TTN: variants seen among roughly 807,000 people sequenced by gnomAD.
The protein encoded by TTN is connectin.
In TTN, 1,525 loss-of-function variants were observed where a neutral mutation model predicts 3,223.0. The ratio of observed to expected loss-of-function variants is 0.47; its 90% CI spans 0.45 to 0.49. TTN has a LOEUF of 0.49. Ranked by LOEUF, TTN falls within the 20% of genes least tolerant of loss-of-function variation. The pLI is 0.00. For missense variants in TTN, 40,786 were observed against 43,424.0 expected (o/e 0.94, Z 5.40); for synonymous variants, 14,094 against 15,161.0 (o/e 0.93, Z 5.17).
At chr2:178,749,827 T>G in intron 47 of TTN, 1 of 1,613,164 alleles carries the variant, frequency 6.2e-7, no homozygotes, top group Admixed American at 1.7e-5. Flanking sequence ...TTTGAAACCA[T>G]GTTACAACTG....
At chr2:178,685,630 T>C in intron 127 of TTN, 32 bp from the exon 128 acceptor site, 1 of 1,594,728 alleles carries the variant, frequency 6.3e-7, no homozygotes, top group Non-Finnish European at 8.6e-7. Flanking sequence ...AGAAGATAAA[T>C]TACAGTGTTT....
chr2:178,694,671 CAGG>C lies in TTN; in HGVS notation c.31351_31353del (p.Pro10451del). 3 of 1,548,872 alleles carry C rather than the reference CAGG, an allele frequency of 1.9e-6. No individual in the cohort carries two copies. The highest frequency in any genetic ancestry group is 2.6e-6 in the Non-Finnish European group (3 of 1,146,162). On this transcript the variant is annotated inframe_deletion and splice_region_variant, in exon 117 of 363. Coordinates refer to ENST00000589042, the MANE Select transcript of TTN (RefSeq NM_001267550.2). ...TGTGGAACAATCTTCTTTGAAACTT[CAGG>C]TACTTTAAAAATATGTACAAATATA...
In TTN at chr2:178,604,802, T is replaced by A; in HGVS notation, c.54287A>T (p.Glu18096Val). 6.2e-7 allele frequency: 1 copy of A among 1,612,528 alleles called. No individual in the cohort carries two copies. ...TTTGTCAATAACATAATGGGTGATT[T>A]CACTGCCACCATTATCAAGAGGGGC... ...WDAPLDNGGS[E>V]ITHYVIDKRD... is the part of the protein sequence containing the mutation. Residue 18096 changes from glutamate to valine, a missense_variant, in exon 281 of 363, where the codon GAA becomes GTA. Coordinates refer to ENST00000589042, the MANE Select transcript of TTN (RefSeq NM_001267550.2).
At position 178,636,636 on chromosome 2, in the gene TTN, T is replaced by G. The variant is rs773893332; in HGVS notation, c.41091A>C (p.Ser13697=). 2 of 1,613,410 alleles carry G rather than the reference T, an allele frequency of 1.2e-6. No homozygotes were observed. The highest frequency in any genetic ancestry group is 3.3e-5 in the Admixed American group (2 of 59,974). Residue 13697 remains serine (S), a synonymous_variant, in exon 225 of 363, where the codon TCA becomes TCC. Coordinates refer to ENST00000589042, the MANE Select transcript of TTN (RefSeq NM_001267550.2). This position sits in a 1 kb window ranked among gnomAD's most constrained non-coding sequence, Gnocchi z 4.3. ...AGATTGCTGAAGAGCCAACGAACTC[T>G]GATTCTGTCAAGATGATGTCTTTGA... ...KEIKDIILTE[S]EFVGSSAIFE...
chr2:178,724,104 T>C lies in TTN; in HGVS notation c.21155A>G (p.Asn7052Ser), dbSNP rs1553913467. 1 of 1,612,818 alleles carries C rather than the reference T, an allele frequency of 6.2e-7. No individual in the cohort carries two copies. The highest frequency in any genetic ancestry group is 8.5e-7 in the Non-Finnish European group (1 of 1,179,144). Residue 7052 changes from asparagine to serine, a missense_variant, in exon 73 of 363, where the codon AAT becomes AGT. Transcript: ENST00000589042. ...VPPSFTRRLK[N>S]TGGVLGASCI... is the part of the protein sequence containing the mutation. ...AGAAGCACCTAACACCCCACCAGTA[T>C]TTTTCAGTCTTCGTGTGAAAGAGGG... is the stretch of plus-strand genomic sequence containing the variant.
intron 127 of TTN, among the ~76,000 whole-genome samples, chr2:178,686,939 C>T (rs922188621): frequency 1.5e-4 from 23 of 152,156 alleles, no homozygotes; most frequent in African/African-American, 5.3e-4. Flanking sequence ...AAGATGGAGT[C>T]GTCTTCAAAT....
chr2:178,759,912 A>G (rs1156587996), intron 43 of TTN, among the ~76,000 whole-genome samples: 1 of 152,204 alleles, frequency 6.6e-6, no homozygotes, highest in Non-Finnish European at 1.5e-5. Context: ...AATAGAAAGT[A>G]AAAACCCAAA....
chr2:178,735,982 G>A lies in TTN; in HGVS notation c.14464C>T (p.Pro4822Ser), dbSNP rs762428750. ...AKFICTVTGT[P>S]VIETIWQKDG... ...TTCTGCCAAATGGTTTCTATCACAGGAGTCCCTGTCACTGTGCAGATGAAC... is the reference window on the plus strand; with the variant it reads ...TTCTGCCAAATGGTTTCTATCACAGAAGTCCCTGTCACTGTGCAGATGAAC... The change falls in exon 50 of 363, where the codon CCT becomes TCT. Residue 4822 changes from proline (P) to serine (S), a missense_variant. Transcript: ENST00000589042. 1.1e-5 allele frequency: 18 copies of A among 1,613,670 alleles called. No individual in the cohort carries two copies. The highest frequency in any genetic ancestry group is 3.3e-5 in the Admixed American group (2 of 59,980).
In TTN at chr2:178,597,744, A is replaced by G; in HGVS notation, c.57338T>C (p.Ile19113Thr). The change falls in exon 294 of 363, where the codon ATT becomes ACT. Residue 19113 changes from isoleucine (I) to threonine (T), a missense_variant. Coordinates refer to ENST00000589042, the MANE Select transcript of TTN (RefSeq NM_001267550.2). The part of the protein sequence containing the change: ...VVHAGGVIRI[I>T]AYVSGKPPPT... ...AGGAGGCTTTCCAGACACATAGGCAATGATTCGGATCACCCCTCCAGCATG... is the reference window on the plus strand; with the variant it reads ...AGGAGGCTTTCCAGACACATAGGCAGTGATTCGGATCACCCCTCCAGCATG... 1 of 1,613,294 alleles carries G rather than the reference A, an allele frequency of 6.2e-7. No individual in the cohort carries two copies.
intron 209 of TTN, 122 bp downstream of exon 209, chr2:178,650,629 A>G: frequency 7.9e-6 from 8 of 1,009,464 alleles, no homozygotes; most frequent in Non-Finnish European, 1.1e-5. Context: ...TGATGAATTA[A>G]GACAAATAAT....
In TTN at chr2:178,723,207, C is replaced by T. The variant is rs375627540; in HGVS notation, c.21800G>A (p.Gly7267Asp). Residue 7267 changes from glycine to aspartate, a missense_variant, in exon 75 of 363, where the codon GGT (glycine) becomes GAT (aspartate). Physicochemically the swap from Gly to Asp is moderately conservative, Grantham distance 94. Transcript: ENST00000589042. ...LPISVTWKKD[G>D]FNITTSEKCN... Reference sequence around the variant, plus strand: ...TTTTTCAGAGGTAGTTATGTTAAAACCATCCTTTTTCCAAGTGACAGAAAT... The same window carrying T: ...TTTTTCAGAGGTAGTTATGTTAAAATCATCCTTTTTCCAAGTGACAGAAAT... 567 of 1,613,460 alleles carry T rather than the reference C, an allele frequency of 3.5e-4. 11 individuals are homozygous for T. The South Asian group carries it at 5.8e-3, about 17-fold the overall frequency.
At chr2:178,672,374 A>G in intron 154 of TTN, 33 bp downstream of exon 154, 4 of 1,601,046 alleles carry the variant, frequency 2.5e-6, no homozygotes, top group Non-Finnish European at 3.4e-6. Context: ...GCATGCAACA[A>G]TACACGAAAA....
rs2154356203 is a variant in TTN at position 178,795,081 on chromosome 2, T to C, written c.1086A>G (p.Thr362=). Residue 362 remains threonine (T), a synonymous_variant, in exon 7 of 363, where the codon ACA becomes ACG. Transcript: ENST00000589042. ...TGATCTGAGTAGAGGTTGTCAGCGT[T>C]GTCTCTCTCATCTCAGCCTCAGATG... ...ASSSEAEMRE[T]TLTTSTQIRT... 1 of 1,614,048 alleles carries C rather than the reference T, an allele frequency of 6.2e-7. No individual in the cohort carries two copies. Among genetic ancestry groups the C allele is most frequent in the Non-Finnish European group, 8.5e-7 (1 of 1,180,016 alleles).
At chr2:178,640,720 A>G (rs1237529923) in intron 220 of TTN, 90 bp from the exon 221 acceptor site, 1 of 1,086,850 alleles carries the variant, frequency 9.2e-7, no homozygotes, top group South Asian at 1.4e-5. Context: ...CAAAAACTCT[A>G]TGGATGGTTT....
rs794729316 is a variant in TTN, at chr2:178,632,165, CTT to C, written c.43727_43728del (p.Glu14576GlyfsTer2). On this transcript the variant is annotated frameshift_variant, in exon 236 of 363. Coordinates refer to ENST00000589042, the MANE Select transcript of TTN (RefSeq NM_001267550.2). LOFTEE classifies it high-confidence loss of function. ...IRVEAMGMSS[E>X]AKLTVLEGDP... ...CACTTACCAAGCACAGTGAGTTTAG[CTT>C]CTGAACTCATCCCCATAGCTTCTAC... The C allele has an allele frequency of 1.2e-6, 2 of 1,606,088 alleles. No individual in the cohort carries two copies. The highest frequency in any genetic ancestry group is 1.7e-6 in the Non-Finnish European group (2 of 1,176,028).
chr2:178,667,005 T>C, intron 162 of TTN, 104 bp from the exon 163 acceptor site: 1 of 958,876 alleles, frequency 1.0e-6, no homozygotes, highest in Admixed American at 3.2e-5. Flanking sequence ...GATATCTTTA[T>C]GTTAGAAATG....
At chr2:178,615,892 T>C (rs1255129456) in intron 257 of TTN, 104 bp from the exon 258 acceptor site, 1 of 1,237,320 alleles carries the variant, frequency 8.1e-7, no homozygotes, top group Non-Finnish European at 1.1e-6. Context: ...TTGTTTTGAA[T>C]GCTAGGGATT....
intron 6 of TTN, among the ~76,000 whole-genome samples, chr2:178,797,872 CTCTT>C (rs1217331885): frequency 6.6e-6 from 1 of 151,802 alleles, no homozygotes; most frequent in Non-Finnish European, 1.5e-5. Context: ...AGATTGTCTT[CTCTT>C]TTTTTTTCAT....
At position 178,770,580 on chromosome 2, in the gene TTN, C is replaced by T. The variant is rs1340253990; in HGVS notation, c.8212G>A (p.Val2738Ile). The change falls in exon 35 of 363, where the codon GTC (valine) becomes ATC (isoleucine). Residue 2738 changes from valine to isoleucine, a missense_variant. Physicochemically the swap from Val to Ile is conservative, Grantham distance 29 (BLOSUM62 3). Coordinates refer to ENST00000589042, the MANE Select transcript of TTN (RefSeq NM_001267550.2). ...ACAACTCCATTTTTGATCCACTGGA[C>T]ACCTTTGACATTAGGGTGTGTAAGC... ...VELTHPNVKG[V>I]QWIKNGVVLE... is the part of the protein sequence containing the mutation. 1 of 1,614,134 alleles carries T rather than the reference C, an allele frequency of 6.2e-7. No homozygotes were observed.
Sources: gnomAD v4.1 joint callset for allele counts (sites outside exome capture counted in the v4.1 genomes callset) on GRCh38, gnomAD v4.1.1 for gene constraint, Gnocchi (gnomAD v3.1) non-coding constraint, MANE v1.5 for transcripts, NCBI Gene and HGNC (gene_info 2026-07-23, HGNC 2026-07-21) for gene names.